The following NEK11 variants were observed in gnomAD, a reference collection of about 807,000 sequenced individuals.
NEK11 encodes serine/threonine-protein kinase Nek11.
NEK11 carries 72 observed loss-of-function variants against 80.7 expected under a neutral mutation model. The observed-to-expected ratio is 0.89, with a 90% CI of 0.74 to 1.08. The LOEUF (loss-of-function observed/expected upper bound fraction) is 1.08. Among genes scored for constraint, NEK11 ranks in the 50% least tolerant of loss-of-function variants. NEK11 has a pLI of 0.00. For synonymous variants in NEK11, 251 were observed against 260.7 expected, an observed-to-expected ratio of 0.96 and a Z score of 0.36; for missense variants, 764 against 763.6, an observed-to-expected ratio of 1.00 and a Z score of -0.01.
chr3:131,049,044 T>C (rs527642678), intron 3 of NEK11, among the ~76,000 whole-genome samples: 2 of 152,390 alleles, frequency 1.3e-5, no homozygotes, highest in East Asian at 3.9e-4. Context: ...AACCTAAGGC[T>C]TGAACTAGTA....
intron 16 of NEK11, among the ~76,000 whole-genome samples, chr3:131,265,726 C>T (rs180758508): frequency 1.3e-5 from 2 of 152,216 alleles, no homozygotes; most frequent in Admixed American, 6.5e-5. Flanking sequence ...TGATGCTGGC[C>T]TCATAAAAAG....
chr3:131,194,084 A>C (rs1457659056), intron 14 of NEK11, among the ~76,000 whole-genome samples: 2 of 152,190 alleles, frequency 1.3e-5, no homozygotes, highest in Non-Finnish European at 2.9e-5. Context: ...GGTGACAGTG[A>C]AATGTTTTTC....
At chr3:131,163,222 C>T (rs555664752) in intron 11 of NEK11, among the ~76,000 whole-genome samples, 11 of 152,222 alleles carry the variant, frequency 7.2e-5, no homozygotes, top group Admixed American at 5.2e-4. Flanking sequence ...TATGATCTGG[C>T]AATCCTACAT....
intron 16 of NEK11, among the ~76,000 whole-genome samples, chr3:131,253,653 G>A (rs1300767500): frequency 6.6e-6 from 1 of 152,124 alleles, no homozygotes; most frequent in East Asian, 1.9e-4. Context: ...GTATAGTCAG[G>A]GAGGCAGATA....
intron 17 of NEK11, among the ~76,000 whole-genome samples, chr3:131,289,486 A>T (rs1251654760): frequency 1.3e-5 from 2 of 152,186 alleles, no homozygotes; most frequent in East Asian, 3.8e-4. Flanking sequence ...GTCATGAGGG[A>T]TAGGTATGAG....
chr3:131,215,958 T>C (rs553012481), intron 14 of NEK11, among the ~76,000 whole-genome samples: 53 of 152,256 alleles, frequency 3.5e-4, no homozygotes, highest in Non-Finnish European at 6.8e-4. Flanking sequence ...GGAAATATTC[T>C]ATAATTTTGT....
intron 14 of NEK11, among the ~76,000 whole-genome samples, chr3:131,207,332 C>T (rs1433689289): frequency 2.0e-5 from 3 of 152,160 alleles, no homozygotes; most frequent in African/African-American, 2.4e-5. Context: ...GCCTGTAATC[C>T]CAGCACTTTG....
intron 3 of NEK11, among the ~76,000 whole-genome samples, chr3:131,049,545 T>C (rs1158621920): frequency 6.6e-6 from 1 of 152,240 alleles, no homozygotes; most frequent in Non-Finnish European, 1.5e-5. Context: ...TTTGTACTTA[T>C]GTCCCACAAA....
chr3:131,065,086 C>T (rs953452217), intron 3 of NEK11, among the ~76,000 whole-genome samples: 1 of 152,128 alleles, frequency 6.6e-6, no homozygotes, highest in Non-Finnish European at 1.5e-5. Flanking sequence ...TCTGCTTTCT[C>T]TTGTTATTAT....
chr3:131,115,930 CTTT>C (rs2081010636), intron 5 of NEK11, among the ~76,000 whole-genome samples: 3 of 111,152 alleles, frequency 2.7e-5, no homozygotes, highest in Admixed American at 9.2e-5. Flanking sequence ...TTCTTTCTTT[CTTT>C]CTTTCTTTCT....
chr3:131,305,549 C>A (rs748423998), intron 17 of NEK11, among the ~76,000 whole-genome samples: 16 of 152,132 alleles, frequency 1.1e-4, no homozygotes, highest in Non-Finnish European at 2.4e-4. Context: ...GCATGGTGAG[C>A]CTTGGGGAAT....
At chr3:131,069,781 A>G (rs1169432325) in intron 3 of NEK11, among the ~76,000 whole-genome samples, 2 of 150,414 alleles carry the variant, frequency 1.3e-5, no homozygotes, top group Non-Finnish European at 2.9e-5. Context: ...GAACAATGAG[A>G]TCACATGGAC....
At chr3:131,338,718 G>A (rs2097237010) in intron 17 of NEK11, among the ~76,000 whole-genome samples, 1 of 152,198 alleles carries the variant, frequency 6.6e-6, no homozygotes, top group Admixed American at 6.5e-5. Context: ...AAGATGCTAT[G>A]TTAATTGAAA....
chr3:131,316,212 A>C (rs373112244), intron 17 of NEK11, among the ~76,000 whole-genome samples: 32 of 152,358 alleles, frequency 2.1e-4, no homozygotes, highest in African/African-American at 7.7e-4. Context: ...AAAAGCATGA[A>C]TCAAGCATAA....
chr3:131,199,276 G>A (rs966280255), intron 14 of NEK11, among the ~76,000 whole-genome samples: 1 of 151,820 alleles, frequency 6.6e-6, no homozygotes, highest in Non-Finnish European at 1.5e-5. Context: ...AAACCCAACA[G>A]AAAAATGAGC....
chr3:131,280,223 T>G (rs191342872), intron 17 of NEK11, among the ~76,000 whole-genome samples: 3 of 152,212 alleles, frequency 2.0e-5, no homozygotes, highest in Non-Finnish European at 4.4e-5. Context: ...TGACATTCTC[T>G]GAATCACCTT....
intron 16 of NEK11, among the ~76,000 whole-genome samples, chr3:131,259,191 A>C (rs1317064717): frequency 6.6e-6 from 1 of 152,066 alleles, no homozygotes. Context: ...AAAGCATTTG[A>C]GGTTGTTCTC....
intron 16 of NEK11, among the ~76,000 whole-genome samples, chr3:131,269,779 G>T (rs1259115617): frequency 6.6e-6 from 1 of 152,184 alleles, no homozygotes; most frequent in African/African-American, 2.4e-5. Context: ...CAGAGCTCTA[G>T]AACCAGGGCT....
chr3:131,109,169 C>A (rs1364930463), intron 4 of NEK11, among the ~76,000 whole-genome samples: 1 of 152,020 alleles, frequency 6.6e-6, no homozygotes, highest in African/African-American at 2.4e-5. Flanking sequence ...GGAGTGATAT[C>A]ATTAAAGCAT....
Sources: allele counts gnomAD v4.1 joint callset (sites outside exome capture counted in the v4.1 genomes callset), GRCh38; gene constraint gnomAD v4.1.1; transcripts MANE v1.5; gene names NCBI Gene and HGNC (gene_info 2026-07-23, HGNC 2026-07-21).